Variants in CBL observed in about 807,000 individuals in gnomAD.
The protein encoded by CBL is E3 ubiquitin-protein ligase CBL.
Under a neutral mutation model 96.9 loss-of-function variants are expected in CBL, and 45 were observed. The ratio of observed to expected loss-of-function variants is 0.46; its 90% CI spans 0.37 to 0.60. CBL has a LOEUF of 0.60. Among genes scored for constraint, CBL ranks in the 20% least tolerant of loss-of-function variants. The probability of loss-of-function intolerance (pLI) is 0.00; values close to 1 mark genes in which losing one functional copy is unlikely to be tolerated. For synonymous variants in CBL, 420 were observed against 426.8 expected, an observed-to-expected ratio of 0.98 and a Z score of 0.20; for missense variants, 1,024 against 1,143.5, an observed-to-expected ratio of 0.90 and a Z score of 1.51.
Position 119,206,461 on chromosome 11 carries a change from G to T in CBL, c.44G>T (p.Ser15Ile). The change falls in exon 1 of 16, where the codon AGC becomes ATC. Residue 15 changes from serine (S) to isoleucine (I), a missense_variant. Ser to Ile is a moderately radical substitution (Grantham distance 142, BLOSUM62 -2). Transcript: ENST00000264033. The part of the protein sequence containing the change: ...VKKSSGAGGG[S>I]GSGGSGSGGL... ...AAGAGCTCTGGGGCCGGGGGCGGCAGCGGCTCCGGGGGCTCGGGTTCGGGT... is the reference window on the plus strand; with the variant it reads ...AAGAGCTCTGGGGCCGGGGGCGGCATCGGCTCCGGGGGCTCGGGTTCGGGT... The T allele has an allele frequency of 6.3e-7, 1 of 1,580,938 alleles. No homozygotes were observed.
intron 2 of CBL, among the ~76,000 whole-genome samples, chr11:119,258,843 A>G (rs1249977840): frequency 1.3e-5 from 2 of 152,150 alleles, no homozygotes; most frequent in Non-Finnish European, 2.9e-5. Context: ...TAAGAATTGC[A>G]TTGAATCTAT....
intron 2 of CBL, among the ~76,000 whole-genome samples, chr11:119,258,407 G>T (rs1424448755): frequency 6.6e-6 from 1 of 152,088 alleles, no homozygotes; most frequent in Non-Finnish European, 1.5e-5. Flanking sequence ...ACCATGGCCC[G>T]AGCAGGAGGA....
chr11:119,256,360 C>G (rs1949710911), intron 2 of CBL, among the ~76,000 whole-genome samples: 1 of 151,666 alleles, frequency 6.6e-6, no homozygotes. Context: ...TTGTTTTTCT[C>G]AGTAGAGATA....
chr11:119,277,902 T>C (rs1177568519), intron 7 of CBL, 58 bp downstream of exon 7: 8 of 1,182,586 alleles, frequency 6.8e-6, no homozygotes, highest in Non-Finnish European at 8.9e-6. Context: ...GTATATTCTT[T>C]ATAGAACTGA....
rs368696153 is a variant in CBL, at chr11:119,299,981, G to A, written c.*200G>A. 9.8e-5 allele frequency: 63 copies of A among 642,250 alleles called. No individual in the cohort carries two copies. Among genetic ancestry groups the A allele is most frequent in the African/African-American group, 9.6e-4 (53 of 55,094 alleles). 39.8% of individuals were successfully genotyped at this position (642,250 alleles called of 1,614,324 possible). On this transcript the variant is annotated 3_prime_UTR_variant, in exon 16 of 16. Coordinates refer to ENST00000264033, the MANE Select transcript of CBL (RefSeq NM_005188.4). ...GCTAGTATGTTTTATTATTTTATGG[G>A]TCTTGAGTGCATTTGAAGGTGTCCT... is the stretch of plus-strand genomic sequence containing the variant.
chr11:119,297,002 T>G lies in CBL; in HGVS notation c.2121T>G (p.Pro707=). The G allele has an allele frequency of 6.2e-7, 1 of 1,603,820 alleles. No individual in the cohort carries two copies. Reference sequence around the variant, plus strand: ...AGTACATGACTCCCTCTTCCAGGCCTCTACGGCCTTTGGATACATCCCAGA... The same window carrying G: ...AGTACATGACTCCCTCTTCCAGGCCGCTACGGCCTTTGGATACATCCCAGA... ...DTEYMTPSSR[P]LRPLDTSQSS... The change falls in exon 13 of 16, where the codon CCT becomes CCG. Residue 707 remains proline, a synonymous_variant. Transcript: ENST00000264033.
In CBL at chr11:119,304,656, T is replaced by A; in HGVS notation, c.*4875T>A. 4.7e-6 allele frequency: 1 copy of A among 213,044 alleles called. No individual in the cohort carries two copies. The highest frequency in any genetic ancestry group is 9.5e-6 in the Non-Finnish European group (1 of 105,428). The allele number at this position is 213,044 out of a possible 1,614,324, so 13.2% of individuals were successfully genotyped here. ...TTTTTTTTTTTTTTGAGATGGAGTCTCGCTGTGTCGCCCAGGCTGGAGTGC... is the reference window on the plus strand; with the variant it reads ...TTTTTTTTTTTTTTGAGATGGAGTCACGCTGTGTCGCCCAGGCTGGAGTGC... On this transcript the variant is annotated 3_prime_UTR_variant, in exon 16 of 16. Transcript: ENST00000264033.
Position 119,300,741 on chromosome 11 carries a change from T to A in CBL, c.*960T>A. The A allele has an allele frequency of 2.5e-6, 1 of 395,746 alleles. No individual in the cohort carries two copies. Among genetic ancestry groups the A allele is most frequent in the Non-Finnish European group, 4.5e-6 (1 of 224,460 alleles). The allele number at this position is 395,746 out of a possible 1,614,324, so 24.5% of individuals were successfully genotyped here. A position where few individuals can be genotyped will look rare whatever the true frequency, so the allele number is the denominator to read the frequency against. ...AAATAGTCTGTGGGAGTCAGTTGCCTTGGTGCCAGGTATGTGTTCTGATGT... is the reference window on the plus strand; with the variant it reads ...AAATAGTCTGTGGGAGTCAGTTGCCATGGTGCCAGGTATGTGTTCTGATGT... On this transcript the variant is annotated 3_prime_UTR_variant, in exon 16 of 16. Transcript: ENST00000264033.
At chr11:119,218,990 G>A (rs571434410) in intron 1 of CBL, among the ~76,000 whole-genome samples, 1 of 152,212 alleles carries the variant, frequency 6.6e-6, no homozygotes, top group Admixed American at 6.5e-5. Context: ...GGCTAAGGTG[G>A]GTGTATCACT....
At position 119,299,519 on chromosome 11, in the gene CBL, C is replaced by T; in HGVS notation, c.2459C>T (p.Pro820Leu). The T allele has an allele frequency of 6.2e-7, 1 of 1,614,194 alleles. No individual in the cohort carries two copies. Among genetic ancestry groups the T allele is most frequent in the Non-Finnish European group, 8.5e-7 (1 of 1,180,034 alleles). The change falls in exon 16 of 16, where the codon CCC (proline) becomes CTC (leucine). Residue 820 changes from proline to leucine, a missense_variant. This residue lies in a region of CBL where 695 missense variants were observed against 661.6 expected (regional missense o/e 1.05). Transcript: ENST00000264033. Reference sequence around the variant, plus strand: ...GATGTCACTGAAGGTTCCCAAGTTCCCGAGAGGCCTCCAAAACCATTCCCG... The same window carrying T: ...GATGTCACTGAAGGTTCCCAAGTTCTCGAGAGGCCTCCAAAACCATTCCCG... ...TTNVTEGSQV[P>L]ERPPKPFPRR... is the part of the protein sequence containing the mutation.
chr11:119,273,025 TG>T, intron 3 of CBL, among the ~76,000 whole-genome samples: 1 of 151,988 alleles, frequency 6.6e-6, no homozygotes, highest in African/African-American at 2.4e-5. Context: ...TTGCCTAGTC[TG>T]GTGTGCAGTG....
chr11:119,302,454 A>C lies in CBL; in HGVS notation c.*2673A>C. 4.3e-6 allele frequency: 1 copy of C among 233,036 alleles called. No individual in the cohort carries two copies. The allele number at this position is 233,036 out of a possible 1,614,324, so 14.4% of individuals were successfully genotyped here. Reference sequence around the variant, plus strand: ...TTTGGCTTTGCTCTGAATTTAATTAAAACTGCCTTTTATGAACAGACTTCG... The same window carrying C: ...TTTGGCTTTGCTCTGAATTTAATTACAACTGCCTTTTATGAACAGACTTCG... On this transcript the variant is annotated 3_prime_UTR_variant, in exon 16 of 16. Transcript: ENST00000264033.
intron 2 of CBL, among the ~76,000 whole-genome samples, chr11:119,244,059 G>A (rs766894158): frequency 7.2e-5 from 11 of 152,156 alleles, no homozygotes; most frequent in African/African-American, 9.7e-5. Context: ...GAAAAAAAAT[G>A]TGGTAACTTC....
Position 119,305,880 on chromosome 11 carries a change from A to G in CBL, c.*6099A>G, listed in dbSNP as rs575606651. 9.5e-5 allele frequency: 23 copies of G among 242,370 alleles called. No homozygotes were observed. The highest frequency in any genetic ancestry group is 2.4e-3 in the Middle Eastern group (2 of 826). 15.0% of individuals were successfully genotyped at this position (242,370 alleles called of 1,614,324 possible). A position where few individuals can be genotyped will look rare whatever the true frequency, so the allele number is the denominator to read the frequency against. On this transcript the variant is annotated 3_prime_UTR_variant, in exon 16 of 16. Coordinates refer to ENST00000264033, the MANE Select transcript of CBL (RefSeq NM_005188.4). ...GCCTTACTTAAAAGTTTTTTAAACT[A>G]CTAGAGTCATTTGATACACACAGAA... is the stretch of plus-strand genomic sequence containing the variant.
At chr11:119,217,808 C>T (rs1592370161) in intron 1 of CBL, among the ~76,000 whole-genome samples, 1 of 152,110 alleles carries the variant, frequency 6.6e-6, no homozygotes, top group African/African-American at 2.4e-5. Context: ...TGGTGGCTCA[C>T]ACCTGTAATC....
chr11:119,301,183 A>G lies in CBL; in HGVS notation c.*1402A>G. 4.3e-6 allele frequency: 1 copy of G among 232,624 alleles called. No individual in the cohort carries two copies. The highest frequency in any genetic ancestry group is 6.0e-5 in the East Asian group (1 of 16,552). 14.4% of individuals were successfully genotyped at this position (232,624 alleles called of 1,614,324 possible). A position where few individuals can be genotyped will look rare whatever the true frequency, so the allele number is the denominator to read the frequency against. On this transcript the variant is annotated 3_prime_UTR_variant, in exon 16 of 16. Transcript: ENST00000264033. ...TTCCTCTTCACCTGAGGTCCTAAAT[A>G]CTCTCTGTAATTACTGTGTTCTTCA... is the stretch of plus-strand genomic sequence containing the variant.
chr11:119,299,631 C>G lies in CBL; in HGVS notation c.2571C>G (p.Leu857=). ...AASAATASPQ[L]SSEIENLMSQ... ...CTGCTGCCACCGCCTCACCTCAGCT[C>G]TCCAGTGAGATCGAGAACCTCATGA... Residue 857 remains leucine, a synonymous_variant, in exon 16 of 16, where the codon CTC becomes CTG. Coordinates refer to ENST00000264033, the MANE Select transcript of CBL (RefSeq NM_005188.4). 1 of 1,614,214 alleles carries G rather than the reference C, an allele frequency of 6.2e-7. No individual in the cohort carries two copies.
At position 119,308,096 on chromosome 11, in the gene CBL, C is replaced by T. The variant is rs2135328796; in HGVS notation, c.*8315C>T. ...TAGTTAACTAAAGAGCTTTTTCAAGCACCCATGTCTGTAAAAAAATATTTT... is the reference window on the plus strand; with the variant it reads ...TAGTTAACTAAAGAGCTTTTTCAAGTACCCATGTCTGTAAAAAAATATTTT... On this transcript the variant is annotated 3_prime_UTR_variant, in exon 16 of 16. Transcript: ENST00000264033. 1.1e-5 allele frequency: 2 copies of T among 174,764 alleles called. No individual in the cohort carries two copies. The highest frequency in any genetic ancestry group is 4.7e-3 in the Middle Eastern group (2 of 424). 10.8% of individuals were successfully genotyped at this position (174,764 alleles called of 1,614,324 possible). A position where few individuals can be genotyped will look rare whatever the true frequency, so the allele number is the denominator to read the frequency against.
intron 1 of CBL, among the ~76,000 whole-genome samples, chr11:119,230,107 A>G (rs1949489681): frequency 6.6e-6 from 1 of 152,144 alleles, no homozygotes; most frequent in African/African-American, 2.4e-5. Flanking sequence ...ATATCTCAAA[A>G]AAGTTTATAA....
Sources: gnomAD v4.1 joint callset for allele counts (sites outside exome capture counted in the v4.1 genomes callset) on GRCh38, gnomAD v4.1.1 for gene constraint, gnomAD v4.1.1 regional missense constraint, MANE v1.5 for transcripts, NCBI Gene and HGNC (gene_info 2026-07-23, HGNC 2026-07-21) for gene names.